Variants in UNC13C observed in about 807,000 individuals in gnomAD.
UNC13C encodes unc-13 homolog C.
A neutral mutation model predicts 245.4 loss-of-function variants in UNC13C; 174 were observed. The observed-to-expected ratio is 0.71, with a 90% CI of 0.63 to 0.80. The LOEUF is 0.80. UNC13C is among the 30% of genes least tolerant of loss of function. The probability of loss-of-function intolerance (pLI) is 0.00; values close to 1 mark genes in which losing one functional copy is unlikely to be tolerated. For missense variants in UNC13C, 2,829 were observed against 2,602.9 expected (o/e 1.09, Z -1.89); for synonymous variants, 992 against 895.1 (o/e 1.11, Z -1.93).
At chr15:53,990,915 C>A (rs1171856999) in intron 1 of UNC13C, among the ~76,000 whole-genome samples, 3 of 151,838 alleles carry the variant, frequency 2.0e-5, no homozygotes, top group African/African-American at 7.3e-5. Context: ...AGAAGGAGAC[C>A]CCCTCTGGTA....
intron 10 of UNC13C, among the ~76,000 whole-genome samples, chr15:54,273,746 A>C (rs939081502): frequency 2.6e-5 from 4 of 152,168 alleles, no homozygotes; most frequent in African/African-American, 9.7e-5. Context: ...AGCATTTTCA[A>C]GATCCGAAAA....
chr15:54,020,569 C>T (rs1461472420), intron 2 of UNC13C, among the ~76,000 whole-genome samples: 1 of 151,722 alleles, frequency 6.6e-6, no homozygotes, highest in Non-Finnish European at 1.5e-5. Context: ...AGGCGTGAAC[C>T]ACCACACCCG....
At chr15:54,409,210 C>T (rs1002681907) in intron 18 of UNC13C, among the ~76,000 whole-genome samples, 9 of 151,594 alleles carry the variant, frequency 5.9e-5, no homozygotes, top group Admixed American at 2.6e-4. Context: ...TTTTAAATTT[C>T]CCTTTCATCT....
chr15:54,385,868 G>C (rs889159384), intron 17 of UNC13C, among the ~76,000 whole-genome samples: 2 of 152,062 alleles, frequency 1.3e-5, no homozygotes, highest in Non-Finnish European at 2.9e-5. Context: ...AAAAAAGAAT[G>C]CTCTAAAACT....
chr15:54,370,913 T>TGTTAGTGTACGACATGAAATCACAC (rs1436046800), intron 17 of UNC13C, among the ~76,000 whole-genome samples: 3 of 152,280 alleles, frequency 2.0e-5, no homozygotes, highest in African/African-American at 7.2e-5. Flanking sequence ...TGAAATCACA[T>TGTTAGTGTACGACATGAAATCACAC]GTTAGTGTAC....
chr15:53,875,566 A>G, the UNC13C span, among the ~76,000 whole-genome samples: 1 of 152,098 alleles, frequency 6.6e-6, no homozygotes, highest in Non-Finnish European at 1.5e-5. Context: ...GAGTAACTTG[A>G]GTTTTTAAGC....
At chr15:54,392,905 C>A in intron 17 of UNC13C, 143 bp from the exon 18 acceptor site, 1 of 910,726 alleles carries the variant, frequency 1.1e-6, no homozygotes. Flanking sequence ...AGAAAAGAAA[C>A]CTGAGTTTAA....
chr15:54,321,605 C>T (rs2038161511), intron 13 of UNC13C: 2 of 370,000 alleles, frequency 5.4e-6, no homozygotes, highest in South Asian at 2.6e-5. Flanking sequence ...TTTTTCAAAG[C>T]TTAACCCTCT....
Position 54,428,954 on chromosome 15 carries a change from C to A in UNC13C, c.4933+13887C>A, listed in dbSNP as rs141219504. On this transcript the variant is annotated intron_variant, in intron 19 of 32. Transcript: ENST00000260323. ...CATGCTTCTCTCTCTTCCCCCCAGCCCCCAATCGGGTCCCGTATTTCCCAT... is the reference window on the plus strand; with the variant it reads ...CATGCTTCTCTCTCTTCCCCCCAGCACCCAATCGGGTCCCGTATTTCCCAT... Among the ~76,000 whole-genome samples the A allele has an allele frequency of 5.1e-3, 776 of 151,810 alleles. 6 individuals carry two copies. Among genetic ancestry groups the A allele is most frequent in the African/African-American group, 0.017 (725 of 41,472 alleles).
intron 30 of UNC13C, among the ~76,000 whole-genome samples, chr15:54,586,731 C>T (rs1480811644): frequency 1.3e-5 from 2 of 152,140 alleles, no homozygotes; most frequent in Non-Finnish European, 1.5e-5. Context: ...CATGCAGATG[C>T]AAGTAATGCA....
chr15:54,248,176 G>C (rs895512339), intron 7 of UNC13C, among the ~76,000 whole-genome samples: 2 of 151,904 alleles, frequency 1.3e-5, no homozygotes, highest in African/African-American at 4.8e-5. Flanking sequence ...TTCCCACTCA[G>C]TATTCCATGT....
chr15:54,633,377 G>A (rs947103594), downstream of UNC13C: 2 of 152,136 alleles, frequency 1.3e-5, no homozygotes, highest in South Asian at 4.1e-4. Flanking sequence ...ATGTGTACAA[G>A]AGTATAAATG....
intron 28 of UNC13C, among the ~76,000 whole-genome samples, chr15:54,554,394 T>C (rs1010202460): frequency 6.6e-6 from 1 of 152,038 alleles, no homozygotes; most frequent in Non-Finnish European, 1.5e-5. Context: ...ATTGAGCCCA[T>C]GTTCCACTTG....
chr15:53,849,700 C>T, the UNC13C span, among the ~76,000 whole-genome samples: 1 of 151,958 alleles, frequency 6.6e-6, no homozygotes, highest in Non-Finnish European at 1.5e-5. Context: ...TCACAAGATT[C>T]CCATTCTTTT....
chr15:53,839,159 TCTG>T, the UNC13C span, among the ~76,000 whole-genome samples: 1 of 152,194 alleles, frequency 6.6e-6, no homozygotes, highest in African/African-American at 2.4e-5. Flanking sequence ...GTGTGTTTCT[TCTG>T]CTGTGAGAAA....
At chr15:54,282,709 G>C (rs184481537) in intron 10 of UNC13C, among the ~76,000 whole-genome samples, 2 of 152,238 alleles carry the variant, frequency 1.3e-5, no homozygotes, top group East Asian at 3.9e-4. Flanking sequence ...GCACTCAGTG[G>C]GTCCCAAGCT....
chr15:54,362,575 T>A (rs2039258969), intron 17 of UNC13C, among the ~76,000 whole-genome samples: 2 of 152,168 alleles, frequency 1.3e-5, no homozygotes, highest in African/African-American at 4.8e-5. Flanking sequence ...TCAGTTTTTT[T>A]CCATTGCAGG....
chr15:54,445,093 G>C (rs541321117), intron 19 of UNC13C, among the ~76,000 whole-genome samples: 1 of 151,322 alleles, frequency 6.6e-6, no homozygotes, highest in Non-Finnish European at 1.5e-5. Flanking sequence ...GCGATAGTTT[G>C]CTGAGAATGA....
At chr15:54,624,093 C>T (rs916556872) in intron 32 of UNC13C, 139 bp downstream of exon 32, 2 of 1,019,178 alleles carry the variant, frequency 2.0e-6, no homozygotes, top group Non-Finnish European at 2.9e-6. Flanking sequence ...CATTCAATAT[C>T]TGTTCAGTGC....
Sources: gnomAD v4.1 joint callset for allele counts (sites outside exome capture counted in the v4.1 genomes callset) on GRCh38, gnomAD v4.1.1 for gene constraint, MANE v1.5 for transcripts, NCBI Gene and HGNC (gene_info 2026-07-23, HGNC 2026-07-21) for gene names.